Variants in IL15 observed in about 807,000 individuals in gnomAD.
IL15 encodes the protein interleukin-15.
In IL15, 11 loss-of-function variants were observed where a neutral mutation model predicts 19.6. The observed-to-expected ratio is 0.56, with a 90% CI of 0.35 to 0.93. IL15 has a LOEUF of 0.93. Ranked by LOEUF, IL15 falls within the 40% of genes least tolerant of loss-of-function variation. IL15 has a pLI of 0.01. For missense variants in IL15, 197 were observed against 186.5 expected (o/e 1.06, Z -0.33); for synonymous variants, 58 against 59.6 (o/e 0.97, Z 0.12).
intron 2 of IL15, among the ~76,000 whole-genome samples, chr4:141,684,641 A>G (rs557608017): frequency 4.4e-4 from 67 of 152,286 alleles, no homozygotes; most frequent in African/African-American, 1.6e-3. Context: ...TGCTAGGTCT[A>G]TATTAGCTTG....
intron 7 of IL15, 33 bp from the exon 8 acceptor site, chr4:141,732,705 A>T: frequency 6.2e-7 from 1 of 1,602,272 alleles, no homozygotes; most frequent in Non-Finnish European, 8.5e-7. Flanking sequence ...TTAATTATAA[A>T]TTGCCAATTT....
intron 2 of IL15, among the ~76,000 whole-genome samples, chr4:141,695,271 CCT>C (rs1729053857): frequency 8.4e-6 from 1 of 118,822 alleles, no homozygotes; most frequent in African/African-American, 3.3e-5. Context: ...TTCTATGATA[CCT>C]TTTTTTTTTT....
intron 5 of IL15, among the ~76,000 whole-genome samples, chr4:141,724,444 C>T (rs370531896): frequency 1.2e-4 from 18 of 151,444 alleles, no homozygotes; most frequent in African/African-American, 3.9e-4. Flanking sequence ...TCAATACAAG[C>T]AGAACAAAGA....
chr4:141,645,291 G>T (rs1460574194), intron 1 of IL15, among the ~76,000 whole-genome samples: 8 of 152,074 alleles, frequency 5.3e-5, no homozygotes, highest in Admixed American at 5.2e-4. Flanking sequence ...TGACTAGTTG[G>T]CAAGGTCTGT....
At chr4:141,712,328 A>G (rs1456821158) in intron 2 of IL15, among the ~76,000 whole-genome samples, 1 of 152,096 alleles carries the variant, frequency 6.6e-6, no homozygotes, top group Non-Finnish European at 1.5e-5. Context: ...TAGGTTAAAT[A>G]TATTTTTGCT....
intron 4 of IL15, chr4:141,721,644 C>A: frequency 1.9e-6 from 1 of 519,412 alleles, no homozygotes; most frequent in South Asian, 1.9e-5. Context: ...GCTTCTATTT[C>A]ATTGTGATAA....
intron 2 of IL15, among the ~76,000 whole-genome samples, chr4:141,690,133 G>A (rs1728860681): frequency 6.6e-6 from 1 of 152,276 alleles, no homozygotes; most frequent in African/African-American, 2.4e-5. Flanking sequence ...GGGCCAGCAC[G>A]GCCAGCCGTC....
At chr4:141,656,027 C>G (rs1296984051) in intron 1 of IL15, among the ~76,000 whole-genome samples, 159 bp from the exon 2 acceptor site, 6 of 152,026 alleles carry the variant, frequency 3.9e-5, no homozygotes, top group Non-Finnish European at 5.9e-5. Flanking sequence ...AAAAGATTTC[C>G]CCAAGAAGTT....
At chr4:141,731,719 C>T (rs1730458667) in intron 7 of IL15, among the ~76,000 whole-genome samples, 1 of 152,180 alleles carries the variant, frequency 6.6e-6, no homozygotes, top group Non-Finnish European at 1.5e-5. Context: ...TCAAATAGGA[C>T]AGCATTATAT....
At chr4:141,729,709 C>T in intron 6 of IL15, 138 bp from the exon 7 acceptor site, 1 of 536,568 alleles carries the variant, frequency 1.9e-6, no homozygotes, top group East Asian at 3.2e-5. Context: ...AATTAAGCTG[C>T]CTCCTATGTA....
chr4:141,683,291 CT>C (rs1728597616), intron 2 of IL15, among the ~76,000 whole-genome samples: 2 of 151,316 alleles, frequency 1.3e-5, no homozygotes, highest in East Asian at 3.9e-4. Context: ...AAACAATAGG[CT>C]GGGCGCGGTG....
intron 1 of IL15, among the ~76,000 whole-genome samples, chr4:141,650,316 G>A (rs946683708): frequency 1.3e-5 from 2 of 152,088 alleles, no homozygotes; most frequent in Non-Finnish European, 2.9e-5. Context: ...CAATGATGGT[G>A]TAGGATAGTT....
intron 1 of IL15, among the ~76,000 whole-genome samples, chr4:141,639,477 T>A (rs2152148546): frequency 6.6e-6 from 1 of 152,330 alleles, no homozygotes; most frequent in Admixed American, 6.5e-5. Context: ...AAAACATTTG[T>A]CTAATCTGCA....
chr4:141,665,032 G>A (rs1727922886), intron 2 of IL15, among the ~76,000 whole-genome samples: 1 of 151,808 alleles, frequency 6.6e-6, no homozygotes, highest in East Asian at 1.9e-4. Flanking sequence ...TATATTTAGA[G>A]ATATTTTTGT....
chr4:141,726,137 G>A (rs1195417622), intron 5 of IL15, among the ~76,000 whole-genome samples: 1 of 152,070 alleles, frequency 6.6e-6, no homozygotes, highest in African/African-American at 2.4e-5. Flanking sequence ...TGCCACATTG[G>A]GGATTAAGTT....
At chr4:141,716,534 T>G (rs1729889601) in intron 2 of IL15, 1 of 152,462 alleles carries the variant, frequency 6.6e-6, no homozygotes, top group Non-Finnish European at 1.5e-5. Flanking sequence ...CTTCCTCCAC[T>G]TTGATTTCAA....
At chr4:141,715,732 G>C (rs998819065) in intron 2 of IL15, 1 of 152,092 alleles carries the variant, frequency 6.6e-6, no homozygotes, top group Admixed American at 6.5e-5. Flanking sequence ...TGAATGAATG[G>C]ATGATGCATT....
At chr4:141,691,229 A>T (rs1728901210) in intron 2 of IL15, among the ~76,000 whole-genome samples, 1 of 152,124 alleles carries the variant, frequency 6.6e-6, no homozygotes, top group South Asian at 2.1e-4. Context: ...GCATGGGGGA[A>T]ATTGCCCCTA....
At chr4:141,721,624 A>G (rs1331643976) in intron 4 of IL15, 4 of 524,170 alleles carry the variant, frequency 7.6e-6, no homozygotes, top group Non-Finnish European at 1.4e-5. Context: ...ATTGCCACAC[A>G]TCTGGCACTG....
Sources: allele counts gnomAD v4.1 joint callset (sites outside exome capture counted in the v4.1 genomes callset), GRCh38; gene constraint gnomAD v4.1.1; transcripts MANE v1.5; gene names NCBI Gene and HGNC (gene_info 2026-07-23, HGNC 2026-07-21).